The following OCA2 variants were observed in gnomAD, a reference collection of about 807,000 sequenced individuals.
OCA2 encodes the protein OCA2 melanosomal transmembrane protein.
In OCA2, 77 loss-of-function variants were observed where a neutral mutation model predicts 100.2. The ratio of observed to expected loss-of-function variants is 0.77; its 90% CI spans 0.64 to 0.93. The LOEUF is 0.93. OCA2 is among the 40% of genes least tolerant of loss of function. The pLI is 0.00. For synonymous variants in OCA2, 432 were observed against 439.2 expected (o/e 0.98, Z 0.21); for missense variants, 1,062 against 1,089.1 (o/e 0.98, Z 0.35).
the OCA2 span, among the ~76,000 whole-genome samples, chr15:27,724,762 A>G: frequency 6.6e-6 from 1 of 151,576 alleles, no homozygotes; most frequent in Non-Finnish European, 1.5e-5. Flanking sequence ...GAAATATTAC[A>G]TACCTGATTC....
chr15:27,747,708 A>C, the OCA2 span, among the ~76,000 whole-genome samples: 1 of 151,986 alleles, frequency 6.6e-6, no homozygotes, highest in Non-Finnish European at 1.5e-5. Flanking sequence ...AAATTAAAGA[A>C]ATAATGCTAT....
chr15:27,819,537 G>A (rs2034427067), intron 23 of OCA2, among the ~76,000 whole-genome samples: 1 of 152,212 alleles, frequency 6.6e-6, no homozygotes, highest in African/African-American at 2.4e-5. Context: ...AGTACTGGAA[G>A]TGAATGATTA....
intron 9 of OCA2, among the ~76,000 whole-genome samples, chr15:28,013,917 T>C (rs560232322): frequency 6.6e-6 from 1 of 152,346 alleles, no homozygotes; most frequent in African/African-American, 2.4e-5. Flanking sequence ...CAATTAATCC[T>C]GTGAGTGGTC....
intron 23 of OCA2, among the ~76,000 whole-genome samples, chr15:27,798,833 A>C (rs1352730105): frequency 6.6e-6 from 1 of 152,228 alleles, no homozygotes; most frequent in Non-Finnish European, 1.5e-5. Flanking sequence ...TGGATTTACA[A>C]AGCATTTAAC....
chr15:27,908,644 G>A (rs2038269683), intron 19 of OCA2, among the ~76,000 whole-genome samples: 1 of 152,138 alleles, frequency 6.6e-6, no homozygotes, highest in Non-Finnish European at 1.5e-5. Flanking sequence ...CGTGAGTACA[G>A]ATCCATGTGA....
intron 23 of OCA2, among the ~76,000 whole-genome samples, chr15:27,810,283 T>A (rs2034022714): frequency 6.6e-6 from 1 of 152,158 alleles, no homozygotes; most frequent in Admixed American, 6.5e-5. Context: ...CTAAATGGCA[T>A]TGGGAAAATT....
intron 18 of OCA2, among the ~76,000 whole-genome samples, chr15:27,931,649 T>TA (rs906096567): frequency 2.0e-4 from 14 of 70,652 alleles, no homozygotes; most frequent in African/African-American, 5.3e-4. Flanking sequence ...ACCTTGCATT[T>TA]AAAAAAAAAA....
At chr15:27,971,587 C>T (rs548004349) in intron 14 of OCA2, among the ~76,000 whole-genome samples, 1 of 152,124 alleles carries the variant, frequency 6.6e-6, no homozygotes, top group Non-Finnish European at 1.5e-5. Context: ...TCCTCCCTAC[C>T]TACCTGTCCA....
chr15:28,057,279 T>G (rs1018005349), intron 2 of OCA2, among the ~76,000 whole-genome samples: 2 of 152,136 alleles, frequency 1.3e-5, no homozygotes, highest in Non-Finnish European at 2.9e-5. Flanking sequence ...TTATTTTTGA[T>G]CCACAAGAAC....
intron 18 of OCA2, among the ~76,000 whole-genome samples, chr15:27,946,616 G>A (rs772083994): frequency 5.5e-4 from 83 of 152,272 alleles, no homozygotes; most frequent in Non-Finnish European, 9.6e-4. Flanking sequence ...CCCAATTTGC[G>A]AATCGTTCAT....
At chr15:27,913,957 A>G in intron 19 of OCA2, among the ~76,000 whole-genome samples, 1 of 150,700 alleles carries the variant, frequency 6.6e-6, no homozygotes, top group African/African-American at 2.4e-5. Flanking sequence ...TTTCAGGCCA[A>G]TATCCCTGAT....
At chr15:28,063,898 TC>T (rs963201210) in intron 2 of OCA2, among the ~76,000 whole-genome samples, 51 of 152,304 alleles carry the variant, frequency 3.3e-4, no homozygotes, top group African/African-American at 1.2e-3. Context: ...GCTCTGTTTT[TC>T]CTTATGTGGA....
intron 1 of OCA2, among the ~76,000 whole-genome samples, chr15:28,087,936 C>T (rs1595934918): frequency 6.6e-6 from 1 of 152,024 alleles, no homozygotes; most frequent in Non-Finnish European, 1.5e-5. Flanking sequence ...GTGGCAGACA[C>T]CTGTAATCCT....
At chr15:27,989,430 A>T (rs947951190) in intron 11 of OCA2, among the ~76,000 whole-genome samples, 171 bp downstream of exon 11, 2 of 152,278 alleles carry the variant, frequency 1.3e-5, no homozygotes, top group South Asian at 4.1e-4. Context: ...CACGAACCAT[A>T]GCCCCATTCC....
intron 20 of OCA2, 23 bp from the exon 21 acceptor site, chr15:27,871,281 T>C (rs1166628682): frequency 1.3e-6 from 2 of 1,579,144 alleles, no homozygotes; most frequent in Admixed American, 1.7e-5. Flanking sequence ...CAATAGCAGC[T>C]GCAGTGTTCC....
chr15:27,963,089 C>G (rs1222132442), intron 15 of OCA2, among the ~76,000 whole-genome samples: 3 of 152,058 alleles, frequency 2.0e-5, no homozygotes, highest in African/African-American at 7.2e-5. Flanking sequence ...AAAGAACAAT[C>G]CTAAATATTT....
At chr15:27,797,893 T>C (rs1475456122) in intron 23 of OCA2, among the ~76,000 whole-genome samples, 2 of 152,128 alleles carry the variant, frequency 1.3e-5, no homozygotes, top group Non-Finnish European at 2.9e-5. Context: ...GAGTCTTTCC[T>C]GAGTCCTGGC....
At chr15:27,960,905 C>CAA (rs758989766) in intron 15 of OCA2, among the ~76,000 whole-genome samples, 5,304 of 104,938 alleles carry the variant, frequency 0.051, 169 homozygotes, top group South Asian at 0.13. Flanking sequence ...GGCTCCATCT[C>CAA]AAAAAAAAAA....
At chr15:28,052,947 G>A (rs2043562111) in intron 2 of OCA2, among the ~76,000 whole-genome samples, 1 of 152,208 alleles carries the variant, frequency 6.6e-6, no homozygotes, top group Non-Finnish European at 1.5e-5. Context: ...GACCGTAGAA[G>A]CAGACAGGGA....
Sources: allele counts gnomAD v4.1 joint callset (sites outside exome capture counted in the v4.1 genomes callset), GRCh38; gene constraint gnomAD v4.1.1; transcripts MANE v1.5; gene names NCBI Gene and HGNC (gene_info 2026-07-23, HGNC 2026-07-21).